The following PTPN12 variants were observed in gnomAD, a reference collection of about 807,000 sequenced individuals.
PTPN12 encodes the protein tyrosine-protein phosphatase non-receptor type 12.
Under a neutral mutation model 97.6 loss-of-function variants are expected in PTPN12, and 29 were observed. That is an observed-to-expected ratio of 0.30 (90% confidence interval 0.22 to 0.41). The LOEUF (loss-of-function observed/expected upper bound fraction) is 0.41. Ranked by LOEUF, PTPN12 falls within the 10% of genes least tolerant of loss-of-function variation. The pLI is 1.00. For synonymous variants in PTPN12, 327 were observed against 300.4 expected (o/e 1.09, Z -0.91); for missense variants, 819 against 926.0 (o/e 0.88, Z 1.50).
intron 1 of PTPN12, among the ~76,000 whole-genome samples, chr7:77,553,488 A>G (rs1321251071): frequency 6.6e-6 from 1 of 152,210 alleles, no homozygotes; most frequent in Admixed American, 6.5e-5. Flanking sequence ...ACACATATGG[A>G]TTAAGGATTA....
At chr7:77,584,269 C>T (rs570188685) in intron 4 of PTPN12, among the ~76,000 whole-genome samples, 103 of 152,222 alleles carry the variant, frequency 6.8e-4, no homozygotes, top group South Asian at 2.7e-3. Flanking sequence ...TTTTGTCTTA[C>T]GGCTTTTTAA....
At chr7:77,539,451 C>G (rs1254903273) in intron 1 of PTPN12, among the ~76,000 whole-genome samples, 1 of 152,056 alleles carries the variant, frequency 6.6e-6, no homozygotes, top group Admixed American at 6.5e-5. Flanking sequence ...GGCATTTTCC[C>G]TTTTTACTAT....
At chr7:77,593,828 A>G (rs1787941535) in intron 6 of PTPN12, among the ~76,000 whole-genome samples, 1 of 152,216 alleles carries the variant, frequency 6.6e-6, no homozygotes, top group African/African-American at 2.4e-5. Flanking sequence ...TAAATATCAC[A>G]TTCCTTATTC....
At chr7:77,546,980 C>T (rs1304668665) in intron 1 of PTPN12, among the ~76,000 whole-genome samples, 3 of 152,198 alleles carry the variant, frequency 2.0e-5, no homozygotes, top group African/African-American at 4.8e-5. Flanking sequence ...CTAGTCATAT[C>T]GTGGACCATG....
At chr7:77,585,607 A>T in intron 5 of PTPN12, 26 bp downstream of exon 5, 1 of 1,559,972 alleles carries the variant, frequency 6.4e-7, no homozygotes, top group Non-Finnish European at 8.8e-7. Flanking sequence ...TCCTCTTACT[A>T]TTTCATTTTT....
intron 1 of PTPN12, among the ~76,000 whole-genome samples, chr7:77,557,306 G>T (rs1010998476): frequency 6.6e-6 from 1 of 152,108 alleles, no homozygotes; most frequent in Non-Finnish European, 1.5e-5. Flanking sequence ...TTCACACTGA[G>T]CCTCTAGCAG....
chr7:77,557,412 C>T (rs1251500373), intron 1 of PTPN12, among the ~76,000 whole-genome samples: 1 of 152,172 alleles, frequency 6.6e-6, no homozygotes, highest in Non-Finnish European at 1.5e-5. Flanking sequence ...TTCTGTCTCT[C>T]CAGTTTGGGG....
Position 77,600,748 on chromosome 7 carries a change from A to T in PTPN12, c.637A>T (p.Ile213Leu). ...ATCATTTGATTCTATTCTGGACATGATAAGCTTAATGAGGAAATATCAAGA... is the reference window on the plus strand; with the variant it reads ...ATCATTTGATTCTATTCTGGACATGTTAAGCTTAATGAGGAAATATCAAGA... The part of the protein sequence containing the change: ...PSSFDSILDM[I>L]SLMRKYQEHE... The change falls in exon 8 of 18, where the codon ATA becomes TTA. Residue 213 changes from isoleucine (I) to leucine (L), a missense_variant. Ile to Leu is a conservative substitution (Grantham distance 5). Around this residue, in one of 5 missense-constraint regions of PTPN12, gnomAD observed 42 missense variants for 120.9 expected, o/e 0.35. Transcript: ENST00000248594. 1 of 1,611,802 alleles carries T rather than the reference A, an allele frequency of 6.2e-7. No homozygotes were observed. Among genetic ancestry groups the T allele is most frequent in the African/African-American group, 1.3e-5 (1 of 74,942 alleles).
intron 5 of PTPN12, among the ~76,000 whole-genome samples, 155 bp from the exon 6 acceptor site, chr7:77,592,030 G>T (rs1381763874): frequency 4.6e-5 from 7 of 152,006 alleles, no homozygotes; most frequent in Admixed American, 3.9e-4. Context: ...AAAACAACTG[G>T]GTAAATCTAA....
At chr7:77,588,608 C>G (rs546676011) in intron 5 of PTPN12, among the ~76,000 whole-genome samples, 161 of 152,218 alleles carry the variant, frequency 1.1e-3, no homozygotes, top group African/African-American at 3.8e-3. Context: ...GATATACTTG[C>G]TTGGTGCAGG....
Position 77,537,296 on chromosome 7 carries a change from C to T in PTPN12, c.-251C>T. On this transcript the variant is annotated 5_prime_UTR_variant, in exon 1 of 18. Transcript: ENST00000248594. ...AGCAAGCTGGGGGTTGGGGTTGGCG[C>T]TAGCGCAGCGGCTCGCCTGGTACTG... 2 of 270,378 alleles carry T rather than the reference C, an allele frequency of 7.4e-6. No homozygotes were observed. The highest frequency in any genetic ancestry group is 1.1e-5 in the Non-Finnish European group (2 of 176,656). The allele number at this position is 270,378 out of a possible 1,614,324, so 16.7% of individuals were successfully genotyped here.
intron 2 of PTPN12, among the ~76,000 whole-genome samples, chr7:77,578,053 G>A (rs993059855): frequency 3.3e-5 from 5 of 152,124 alleles, no homozygotes; most frequent in Admixed American, 1.3e-4. Flanking sequence ...CCTGCATGTA[G>A]CCAGCCTGGC....
chr7:77,626,324 GAGA>G (rs1286026705), intron 12 of PTPN12, among the ~76,000 whole-genome samples: 8 of 152,180 alleles, frequency 5.3e-5, no homozygotes, highest in Non-Finnish European at 1.2e-4. Flanking sequence ...TGGAAAGATA[GAGA>G]AGGACACTTC....
intron 6 of PTPN12, among the ~76,000 whole-genome samples, chr7:77,594,753 C>T (rs1787972328): frequency 6.6e-6 from 1 of 152,184 alleles, no homozygotes; most frequent in Admixed American, 6.6e-5. Flanking sequence ...GTTTGCCCGC[C>T]TTGGCCTCCC....
intron 2 of PTPN12, among the ~76,000 whole-genome samples, chr7:77,573,086 AAAAAAAAAAACAAAAAAAC>A (rs961117384): frequency 2.4e-5 from 2 of 83,890 alleles, no homozygotes; most frequent in African/African-American, 7.0e-5. Context: ...CTATCTCAAA[AAAAAAAAAAACAAAAAAAC>A]AAAAAAAACC....
At chr7:77,550,709 T>C (rs1363824465) in intron 1 of PTPN12, among the ~76,000 whole-genome samples, 2 of 152,250 alleles carry the variant, frequency 1.3e-5, no homozygotes, top group African/African-American at 4.8e-5. Context: ...AGAGGCATTT[T>C]TGTGGGTAGA....
intron 1 of PTPN12, chr7:77,537,988 G>T (rs1228276302): frequency 8.0e-6 from 8 of 999,742 alleles, no homozygotes; most frequent in Non-Finnish European, 9.7e-6. Context: ...CGGGGGGGGG[G>T]GCTCGCGTTT....
In PTPN12 at chr7:77,582,084, C is replaced by CTTTTTTTTTTTTTTTTTTTTT. The variant is rs11341609; in HGVS notation, c.285+589_285+609dup. ...CCCTTTGATGAAAAGCAGTCAAGTT[C>CTTTTTTTTTTTTTTTTTTTTT]TTTTTTTTTTTTTTTTTTTTTTTTT... On this transcript the variant is annotated intron_variant, in intron 3 of 17. Coordinates refer to ENST00000248594, the MANE Select transcript of PTPN12 (RefSeq NM_002835.4). Among the ~76,000 whole-genome samples the CTTTTTTTTTTTTTTTTTTTTT allele has an allele frequency of 2.8e-4, 15 of 52,868 alleles. 4 individuals are homozygous for CTTTTTTTTTTTTTTTTTTTTT. Among genetic ancestry groups the CTTTTTTTTTTTTTTTTTTTTT allele is most frequent in the South Asian group, 1.1e-3 (1 of 944 alleles). 34.7% of individuals were successfully genotyped at this position (52,868 alleles called of 152,430 possible).
chr7:77,560,830 G>C (rs1397802739), intron 1 of PTPN12, among the ~76,000 whole-genome samples: 2 of 151,476 alleles, frequency 1.3e-5, no homozygotes, highest in African/African-American at 4.9e-5. Context: ...TCCACCTTTT[G>C]GCTATTGTGA....
Sources: gnomAD v4.1 joint callset for allele counts (sites outside exome capture counted in the v4.1 genomes callset) on GRCh38, gnomAD v4.1.1 for gene constraint, gnomAD v4.1.1 regional missense constraint, MANE v1.5 for transcripts, NCBI Gene and HGNC (gene_info 2026-07-23, HGNC 2026-07-21) for gene names.